ZNF503: variants seen among roughly 807,000 people sequenced by gnomAD.
ZNF503 encodes the protein NocA-like zinc finger 2.
In ZNF503, 15 loss-of-function variants were observed where a neutral mutation model predicts 34.4. The observed-to-expected ratio is 0.44, with a 90% CI of 0.29 to 0.67. ZNF503 has a LOEUF of 0.67. Among genes scored for constraint, ZNF503 ranks in the 30% least tolerant of loss-of-function variants. The pLI is 0.13. For missense variants in ZNF503, 1,007 were observed against 926.8 expected, an observed-to-expected ratio of 1.09 and a Z score of -1.12; for synonymous variants, 580 against 456.8, an observed-to-expected ratio of 1.27 and a Z score of -3.44.
At chr10:75,335,596 C>T in the ZNF503 span, among the ~76,000 whole-genome samples, 1 of 152,156 alleles carries the variant, frequency 6.6e-6, no homozygotes, top group Non-Finnish European at 1.5e-5. Context: ...CAGTCTAGCC[C>T]CAACCTATCT....
the ZNF503 span, among the ~76,000 whole-genome samples, chr10:75,385,234 G>T: frequency 1.3e-3 from 198 of 152,296 alleles, 2 homozygotes; most frequent in African/African-American, 4.5e-3. Flanking sequence ...ACACAGGAAG[G>T]TCACCGAGGT....
chr10:75,308,195 CTTTTT>C, the ZNF503 span, among the ~76,000 whole-genome samples: 1 of 133,270 alleles, frequency 7.5e-6, no homozygotes, highest in Non-Finnish European at 1.6e-5. Context: ...GACAATACAT[CTTTTT>C]TTTTTTTTTT....
At chr10:75,282,537 A>T in the ZNF503 span, among the ~76,000 whole-genome samples, 1 of 152,202 alleles carries the variant, frequency 6.6e-6, no homozygotes, top group Non-Finnish European at 1.5e-5. Flanking sequence ...TATGTGGGAC[A>T]AGTAACCTGC....
At position 75,401,556 on chromosome 10, in the gene ZNF503, G is replaced by C; in HGVS notation, c.-137C>G. The C allele has an allele frequency of 9.3e-7, 1 of 1,080,888 alleles. No individual in the cohort carries two copies. 67.0% of individuals were successfully genotyped at this position (1,080,888 alleles called of 1,614,324 possible). ...GGCGCGGCGGCCACGGGCGCCCAGC[G>C]CGCCTTCTCGGCGCCTGGAGCCAGA... On this transcript the variant is annotated 5_prime_UTR_variant, in exon 1 of 2. Coordinates refer to ENST00000372524, the MANE Select transcript of ZNF503 (RefSeq NM_032772.6).
chr10:75,333,359 G>A, the ZNF503 span, among the ~76,000 whole-genome samples: 62 of 37,878 alleles, frequency 1.6e-3, no homozygotes, highest in African/African-American at 2.3e-3. Context: ...AGGGGCGGCC[G>A]GGCAGAGGCG....
chr10:75,401,640 G>A lies in ZNF503; in HGVS notation c.-221C>T. The A allele has an allele frequency of 3.6e-6, 2 of 554,584 alleles. No individual in the cohort carries two copies. The highest frequency in any genetic ancestry group is 6.1e-6 in the Non-Finnish European group (2 of 326,344). The allele number at this position is 554,584 out of a possible 1,614,324, so 34.4% of individuals were successfully genotyped here. Reference sequence around the variant, plus strand: ...GTGGCCGGGCTAGAGGAGCCGGCTGGACTGCGGGAGTGCCGGGCGGCTCGC... The same window carrying A: ...GTGGCCGGGCTAGAGGAGCCGGCTGAACTGCGGGAGTGCCGGGCGGCTCGC... On this transcript the variant is annotated 5_prime_UTR_variant, in exon 1 of 2. Coordinates refer to ENST00000372524, the MANE Select transcript of ZNF503 (RefSeq NM_032772.6).
the ZNF503 span, among the ~76,000 whole-genome samples, chr10:75,384,655 C>G: frequency 6.6e-6 from 1 of 152,170 alleles, no homozygotes; most frequent in Non-Finnish European, 1.5e-5. Flanking sequence ...TGCGGCCCAG[C>G]ACCCAAATGA....
the ZNF503 span, among the ~76,000 whole-genome samples, chr10:75,361,928 C>G: frequency 6.6e-6 from 1 of 152,068 alleles, no homozygotes; most frequent in African/African-American, 2.4e-5. Flanking sequence ...AAAAGGGAGC[C>G]CATACACTTT....
At chr10:75,396,270 A>C (rs1049408378), downstream of ZNF503, among the ~76,000 whole-genome samples, 1 of 151,936 alleles carries the variant, frequency 6.6e-6, no homozygotes, top group Non-Finnish European at 1.5e-5. The surrounding 1 kb of genome is among the most constrained non-coding windows in gnomAD (Gnocchi z 4.4). Flanking sequence ...CGGCGTCCGA[A>C]GACGCTGCGG....
chr10:75,317,018 T>A, the ZNF503 span, among the ~76,000 whole-genome samples: 1 of 152,218 alleles, frequency 6.6e-6, no homozygotes, highest in African/African-American at 2.4e-5. Flanking sequence ...CATAGCTCAC[T>A]GCAGCCTCAA....
the ZNF503 span, among the ~76,000 whole-genome samples, chr10:75,346,653 G>T: frequency 6.6e-6 from 1 of 151,890 alleles, no homozygotes; most frequent in East Asian, 1.9e-4. Flanking sequence ...TGTTGCCCAG[G>T]CTGGTCTCAA....
At chr10:75,346,526 G>A in the ZNF503 span, among the ~76,000 whole-genome samples, 624 of 150,634 alleles carry the variant, frequency 4.1e-3, 5 homozygotes, top group African/African-American at 0.014. Flanking sequence ...AACTTCCTGC[G>A]TTCAGGCAAT....
At chr10:75,348,480 G>A in the ZNF503 span, among the ~76,000 whole-genome samples, 2 of 150,616 alleles carry the variant, frequency 1.3e-5, no homozygotes, top group Non-Finnish European at 3.0e-5. Context: ...TTACAGGCGT[G>A]AGCCACCACG....
the ZNF503 span, among the ~76,000 whole-genome samples, chr10:75,297,440 T>C: frequency 6.6e-6 from 1 of 152,244 alleles, no homozygotes; most frequent in African/African-American, 2.4e-5. Flanking sequence ...GATTTAGCAA[T>C]ATACAAAATC....
At chr10:75,304,969 G>T in the ZNF503 span, among the ~76,000 whole-genome samples, 1 of 152,098 alleles carries the variant, frequency 6.6e-6, no homozygotes, top group African/African-American at 2.4e-5. Context: ...GGGAAAAAAG[G>T]TCTTAGGCTT....
chr10:75,390,359 C>T, the ZNF503 span, among the ~76,000 whole-genome samples: 12 of 150,962 alleles, frequency 7.9e-5, no homozygotes, highest in African/African-American at 2.7e-4. Context: ...CCTTCACTTC[C>T]TTGTTCTTCC....
the ZNF503 span, among the ~76,000 whole-genome samples, chr10:75,387,453 T>G: frequency 6.6e-6 from 1 of 152,240 alleles, no homozygotes; most frequent in Non-Finnish European, 1.5e-5. Flanking sequence ...ACAGGTCTTG[T>G]GAGGATATAA....
chr10:75,354,385 A>T, the ZNF503 span, among the ~76,000 whole-genome samples: 5 of 152,220 alleles, frequency 3.3e-5, no homozygotes, highest in African/African-American at 7.2e-5. Context: ...CTGACAAAAG[A>T]ATAGAAAGCC....
At chr10:75,378,475 T>A in the ZNF503 span, among the ~76,000 whole-genome samples, 247 of 151,814 alleles carry the variant, frequency 1.6e-3, no homozygotes, top group African/African-American at 5.6e-3. Flanking sequence ...GTAGATAATC[T>A]GGGTACCCAC....
Sources: allele counts gnomAD v4.1 joint callset (sites outside exome capture counted in the v4.1 genomes callset), GRCh38; gene constraint gnomAD v4.1.1; non-coding constraint Gnocchi (gnomAD v3.1); transcripts MANE v1.5; gene names NCBI Gene and HGNC (gene_info 2026-07-23, HGNC 2026-07-21).